ARHGEF26: variants seen among roughly 807,000 people sequenced by gnomAD.
ARHGEF26 encodes Rho guanine nucleotide exchange factor 26, also known as Rho guanine nucleotide exchange factor (GEF) 26.
ARHGEF26 carries 59 observed loss-of-function variants against 89.4 expected under a neutral mutation model. That is an observed-to-expected ratio of 0.66 (90% CI 0.54 to 0.82). The LOEUF is 0.82. Among genes scored for constraint, ARHGEF26 ranks in the 40% least tolerant of loss-of-function variants. The pLI, the probability that ARHGEF26 is intolerant of heterozygous loss-of-function variation, is 0.00. For missense variants in ARHGEF26, 1,234 were observed against 1,085.6 expected (o/e 1.14, Z -1.92); for synonymous variants, 500 against 428.4 (o/e 1.17, Z -2.06).
intron 5 of ARHGEF26, among the ~76,000 whole-genome samples, chr3:154,149,716 TA>T (rs534702687): frequency 3.9e-5 from 6 of 152,070 alleles, no homozygotes; most frequent in African/African-American, 1.4e-4. Context: ...AGAAATATGA[TA>T]AAAAATGAAA....
At chr3:154,157,282 T>A (rs1285961468) in intron 6 of ARHGEF26, among the ~76,000 whole-genome samples, 1 of 152,122 alleles carries the variant, frequency 6.6e-6, no homozygotes, top group Non-Finnish European at 1.5e-5. Flanking sequence ...TTGGGACCCA[T>A]GGTAGTTGGC....
At chr3:154,181,988 C>T (rs983350079) in intron 6 of ARHGEF26, among the ~76,000 whole-genome samples, 3 of 151,430 alleles carry the variant, frequency 2.0e-5, no homozygotes, top group African/African-American at 7.3e-5. Flanking sequence ...ATTTGACTGT[C>T]TCCTATATTC....
At chr3:154,179,072 A>G (rs1713018750) in intron 6 of ARHGEF26, among the ~76,000 whole-genome samples, 1 of 152,228 alleles carries the variant, frequency 6.6e-6, no homozygotes, top group South Asian at 2.1e-4. Flanking sequence ...TAGATGTTTC[A>G]TTATACAAGC....
At chr3:154,148,436 A>G (rs1719819525) in intron 4 of ARHGEF26, among the ~76,000 whole-genome samples, 1 of 152,198 alleles carries the variant, frequency 6.6e-6, no homozygotes, top group South Asian at 2.1e-4. Flanking sequence ...CTTTCCCCTC[A>G]AAAAAGCAAG....
chr3:154,203,211 G>T (rs1290033480), intron 9 of ARHGEF26, among the ~76,000 whole-genome samples: 1 of 152,136 alleles, frequency 6.6e-6, no homozygotes, highest in Non-Finnish European at 1.5e-5. Flanking sequence ...AGCATGAAGG[G>T]TTGTTGAATT....
At position 154,247,801 on chromosome 3, in the gene ARHGEF26, A is replaced by G. The variant is rs147608274; in HGVS notation, c.2301-5315A>G. ...TTTAGGATGTACGTCGAAGTCATGT[A>G]TACTGTGTTATATCTGTTTGTCCAT... On this transcript the variant is annotated intron_variant, in intron 12 of 14. Transcript: ENST00000465093. 1.6e-4 allele frequency among the ~76,000 whole-genome samples: 24 copies of G among 152,348 alleles called. No homozygotes were observed. The East Asian group carries it at 4.6e-3, about 29-fold the overall frequency.
intron 6 of ARHGEF26, among the ~76,000 whole-genome samples, chr3:154,173,143 G>A (rs1469543327): frequency 2.0e-5 from 3 of 152,050 alleles, no homozygotes; most frequent in Non-Finnish European, 2.9e-5. Flanking sequence ...GCCATTTCAA[G>A]GGAATTTATT....
At chr3:154,161,937 C>T (rs1485258709) in intron 6 of ARHGEF26, among the ~76,000 whole-genome samples, 1 of 152,122 alleles carries the variant, frequency 6.6e-6, no homozygotes. Context: ...GGCATTTGGA[C>T]CCATTATGTT....
At chr3:154,209,750 C>A (rs78527484) in intron 9 of ARHGEF26, among the ~76,000 whole-genome samples, 2 of 152,156 alleles carry the variant, frequency 1.3e-5, no homozygotes, top group African/African-American at 4.8e-5. Context: ...CTAACCACTC[C>A]CTGGCTACTG....
chr3:154,207,708 A>G (rs1032017140), intron 9 of ARHGEF26, among the ~76,000 whole-genome samples: 50 of 152,210 alleles, frequency 3.3e-4, no homozygotes, highest in African/African-American at 1.1e-3. Flanking sequence ...AAGACCTACA[A>G]ACAGAAATAC....
chr3:154,245,864 G>A (rs773172048), intron 12 of ARHGEF26, among the ~76,000 whole-genome samples: 48 of 152,118 alleles, frequency 3.2e-4, no homozygotes, highest in South Asian at 2.1e-3. Context: ...TGAACCATAC[G>A]GAGATCAGAT....
At chr3:154,190,757 A>C (rs1288207591) in intron 7 of ARHGEF26, among the ~76,000 whole-genome samples, 1 of 152,204 alleles carries the variant, frequency 6.6e-6, no homozygotes, top group Non-Finnish European at 1.5e-5. Flanking sequence ...AAAAAGAGGA[A>C]TATTTCGACT....
Position 154,122,821 on chromosome 3 carries a change from A to C in ARHGEF26, c.829A>C (p.Lys277Gln). 1 of 1,612,684 alleles carries C rather than the reference A, an allele frequency of 6.2e-7. No individual in the cohort carries two copies. The highest frequency in any genetic ancestry group is 8.5e-7 in the Non-Finnish European group (1 of 1,179,338). ...QNVEPHKRLL[K>Q]VRSMVEGLGG... ...TGTGGAGCCCCACAAGAGACTCCTCAAGGTGCGCAGCATGGTGGAGGGCCT... is the reference window on the plus strand; with the variant it reads ...TGTGGAGCCCCACAAGAGACTCCTCCAGGTGCGCAGCATGGTGGAGGGCCT... The change falls in exon 2 of 15, where the codon AAG becomes CAG. Residue 277 changes from lysine (K) to glutamine (Q), a missense_variant. By Grantham distance (53) the Lys-to-Gln change is moderately conservative (BLOSUM62 1). Coordinates refer to ENST00000465093, the MANE Select transcript of ARHGEF26 (RefSeq NM_015595.4).
chr3:154,150,060 G>T (rs780407816), intron 5 of ARHGEF26, among the ~76,000 whole-genome samples: 18 of 88,682 alleles, frequency 2.0e-4, no homozygotes, highest in Admixed American at 1.7e-3. Flanking sequence ...GCATATTATT[G>T]TGTGTGTGTG....
chr3:154,241,164 T>A (rs1717463144), intron 12 of ARHGEF26, among the ~76,000 whole-genome samples: 1 of 152,166 alleles, frequency 6.6e-6, no homozygotes, highest in South Asian at 2.1e-4. Context: ...ATTGGATGAG[T>A]GGCAGTGAGG....
chr3:154,224,616 T>C (rs969428277), intron 10 of ARHGEF26, among the ~76,000 whole-genome samples: 4 of 152,214 alleles, frequency 2.6e-5, no homozygotes, highest in African/African-American at 9.6e-5. Context: ...TGCTGCCTAG[T>C]CTGCCGGAGT....
intron 6 of ARHGEF26, among the ~76,000 whole-genome samples, chr3:154,168,822 A>C (rs1382943935): frequency 6.6e-6 from 1 of 150,450 alleles, no homozygotes; most frequent in Non-Finnish European, 1.5e-5. Context: ...CGATTCTGCC[A>C]CTTTTTTTTT....
chr3:154,146,777 A>C (rs1194714199), intron 4 of ARHGEF26, among the ~76,000 whole-genome samples: 1 of 152,168 alleles, frequency 6.6e-6, no homozygotes, highest in Non-Finnish European at 1.5e-5. Context: ...TTCTTGTTTT[A>C]TTTGAATTTT....
At chr3:154,206,031 C>A (rs998033422) in intron 9 of ARHGEF26, among the ~76,000 whole-genome samples, 5 of 151,984 alleles carry the variant, frequency 3.3e-5, no homozygotes, top group African/African-American at 1.2e-4. Flanking sequence ...CATTTTCTTT[C>A]TGATTGAAGT....
Sources: gnomAD v4.1 joint callset for allele counts (sites outside exome capture counted in the v4.1 genomes callset) on GRCh38, gnomAD v4.1.1 for gene constraint, MANE v1.5 for transcripts, NCBI Gene and HGNC (gene_info 2026-07-23, HGNC 2026-07-21) for gene names.